The following INTS7 variants were observed in gnomAD, a reference collection of about 807,000 sequenced individuals.
INTS7 encodes integrator complex subunit 7.
INTS7 carries 46 observed loss-of-function variants against 109.2 expected under a neutral mutation model. The ratio of observed to expected loss-of-function variants is 0.42; its 90% confidence interval spans 0.33 to 0.54. The LOEUF (loss-of-function observed/expected upper bound fraction) is 0.54, where lower values mean the gene tolerates loss of function less well. INTS7 is among the 20% of genes least tolerant of loss of function. The pLI is 0.07. For missense variants in INTS7, 929 were observed against 1,132.4 expected, an observed-to-expected ratio of 0.82 and a Z score of 2.58; for synonymous variants, 412 against 402.9, an observed-to-expected ratio of 1.02 and a Z score of -0.27.
intron 13 of INTS7, among the ~76,000 whole-genome samples, chr1:211,971,374 C>A (rs551312131): frequency 6.6e-6 from 1 of 152,262 alleles, no homozygotes; most frequent in Non-Finnish European, 1.5e-5. Flanking sequence ...CAGCAAGAAA[C>A]TGGAGAAATC....
chr1:212,011,346 CTTCAT>C, intron 5 of INTS7, 24 bp downstream of exon 5: 1 of 1,284,618 alleles, frequency 7.8e-7, no homozygotes, highest in Non-Finnish European at 1.1e-6. Context: ...AATTAAGTCA[CTTCAT>C]AATACTAAAT....
intron 3 of INTS7, among the ~76,000 whole-genome samples, 172 bp downstream of exon 3, chr1:212,019,950 C>G (rs1666618108): frequency 6.6e-6 from 1 of 152,020 alleles, no homozygotes; most frequent in African/African-American, 2.4e-5. Context: ...CAGATGTTAA[C>G]TAAAAAGCAT....
At chr1:212,034,095 G>A (rs1667302779) in intron 1 of INTS7, among the ~76,000 whole-genome samples, 1 of 151,636 alleles carries the variant, frequency 6.6e-6, no homozygotes, top group Non-Finnish European at 1.5e-5. Flanking sequence ...AAAAAAAAGA[G>A]AAAAACACAT....
At position 211,995,692 on chromosome 1, in the gene INTS7, A is replaced by C. The variant is rs142663201; in HGVS notation, c.880-7689T>G. Among the ~76,000 whole-genome samples, 821 of 152,338 alleles carry C rather than the reference A, an allele frequency of 5.4e-3. 4 individuals carry two copies. Among genetic ancestry groups the C allele is most frequent in the African/African-American group, 0.019 (778 of 41,574 alleles). ...GTCTCCCCGAAAATTCCTATGCTGA[A>C]ATCCTAACCGCCAAGTTGATGGAAT... is the stretch of plus-strand genomic sequence containing the variant. On this transcript the variant is annotated intron_variant, in intron 7 of 19. Transcript: ENST00000366994.
chr1:212,013,366 G>A (rs984139454), intron 4 of INTS7, among the ~76,000 whole-genome samples: 1 of 152,094 alleles, frequency 6.6e-6, no homozygotes. Flanking sequence ...AGGATATAAA[G>A]AAAGTATGTT....
intron 7 of INTS7, among the ~76,000 whole-genome samples, chr1:211,997,261 T>C (rs1228212367): frequency 6.6e-6 from 1 of 151,576 alleles, no homozygotes; most frequent in Admixed American, 6.6e-5. Flanking sequence ...AAGAGAGAGA[T>C]AGGCCAGGTG....
intron 3 of INTS7, among the ~76,000 whole-genome samples, chr1:212,019,421 A>G (rs79068116): frequency 0.037 from 5,663 of 152,214 alleles, 163 homozygotes; most frequent in African/African-American, 0.084. Context: ...GATTCCTGAT[A>G]TGGAAAAAAC....
At chr1:211,950,294 G>A (rs1263781000) in intron 17 of INTS7, among the ~76,000 whole-genome samples, 1 of 152,142 alleles carries the variant, frequency 6.6e-6, no homozygotes, top group African/African-American at 2.4e-5. Flanking sequence ...TATTTGAGAT[G>A]AAGTTTCACT....
At chr1:211,949,535 T>C (rs545025057) in intron 17 of INTS7, among the ~76,000 whole-genome samples, 1 of 152,332 alleles carries the variant, frequency 6.6e-6, no homozygotes, top group African/African-American at 2.4e-5. Context: ...CTCTCATATA[T>C]ATCTATTTTT....
chr1:211,997,256 A>G (rs1665440014), intron 7 of INTS7, among the ~76,000 whole-genome samples: 1 of 151,990 alleles, frequency 6.6e-6, no homozygotes, highest in South Asian at 2.1e-4. Flanking sequence ...AAAAAAAGAG[A>G]GAGATAGGCC....
At chr1:212,018,700 T>G (rs1331135936) in intron 3 of INTS7, among the ~76,000 whole-genome samples, 1 of 152,146 alleles carries the variant, frequency 6.6e-6, no homozygotes, top group Non-Finnish European at 1.5e-5. Context: ...GTTAACAAAA[T>G]GGATACTATT....
chr1:212,023,687 T>C (rs540227582), intron 1 of INTS7, among the ~76,000 whole-genome samples: 2 of 152,358 alleles, frequency 1.3e-5, no homozygotes, highest in African/African-American at 4.8e-5. Context: ...TCTCCCATTC[T>C]GTAGGCTGTT....
At chr1:212,016,443 G>C (rs886614810) in intron 4 of INTS7, among the ~76,000 whole-genome samples, 2 of 152,206 alleles carry the variant, frequency 1.3e-5, no homozygotes, top group African/African-American at 4.8e-5. Flanking sequence ...TGTAGGACAT[G>C]ACATTCTGAA....
chr1:211,944,445 G>A (rs957083554), intron 19 of INTS7, among the ~76,000 whole-genome samples: 3 of 152,164 alleles, frequency 2.0e-5, no homozygotes, highest in African/African-American at 4.8e-5. Context: ...GCTCCCATAC[G>A]TACTGACTGA....
At position 211,940,728 on chromosome 1, in the gene INTS7, G is replaced by A. The variant is rs1464410731; in HGVS notation, c.*1096C>T. 6.6e-6 allele frequency: 1 copy of A among 152,186 alleles called. No homozygotes were observed. Among genetic ancestry groups the A allele is most frequent in the African/African-American group, 2.4e-5 (1 of 41,434 alleles). The allele number at this position is 152,186 out of a possible 1,614,324, so 9.4% of individuals were successfully genotyped here. A position where few individuals can be genotyped will look rare whatever the true frequency, so the allele number is the denominator to read the frequency against. On this transcript the variant is annotated 3_prime_UTR_variant, in exon 20 of 20. Transcript: ENST00000366994. ...ACTGAGCCTGTGTAATAAAGAGACT[G>A]CTCTCTCTAAACAATCAGTCTAGCA...
At position 211,968,526 on chromosome 1, in the gene INTS7, C is replaced by T; in HGVS notation, c.1997G>A (p.Arg666His). The change falls in exon 14 of 20, where the codon CGC becomes CAC. Residue 666 changes from arginine to histidine, a missense_variant. Coordinates refer to ENST00000366994, the MANE Select transcript of INTS7 (RefSeq NM_015434.4). ...TLGNDLQRCG[R>H]ISNQMKQSME... Reference sequence around the variant, plus strand: ...GTTAAGACATGCCTGATTGGAGATGCGACCACACCTCTGGAGGTCATTTCC... The same window carrying T: ...GTTAAGACATGCCTGATTGGAGATGTGACCACACCTCTGGAGGTCATTTCC... 1.9e-6 allele frequency: 3 copies of T among 1,611,388 alleles called. No individual in the cohort carries two copies. The highest frequency in any genetic ancestry group is 2.5e-6 in the Non-Finnish European group (3 of 1,178,608).
intron 4 of INTS7, among the ~76,000 whole-genome samples, chr1:212,015,110 G>A (rs1241675611): frequency 6.6e-6 from 1 of 151,844 alleles, no homozygotes; most frequent in Non-Finnish European, 1.5e-5. Context: ...CGCCCGGGCA[G>A]CCGCCCCGTC....
chr1:212,034,755 G>A (rs1461240862), intron 1 of INTS7, among the ~76,000 whole-genome samples: 1 of 152,168 alleles, frequency 6.6e-6, no homozygotes, highest in African/African-American at 2.4e-5. Flanking sequence ...AAAATCAGCG[G>A]CATTGAAACT....
intron 7 of INTS7, among the ~76,000 whole-genome samples, chr1:211,991,929 A>G (rs1665165196): frequency 6.6e-6 from 1 of 152,272 alleles, no homozygotes; most frequent in African/African-American, 2.4e-5. Context: ...TGCCAAATGT[A>G]AAGTGCCTAA....
Sources: gnomAD v4.1 joint callset for allele counts (sites outside exome capture counted in the v4.1 genomes callset) on GRCh38, gnomAD v4.1.1 for gene constraint, MANE v1.5 for transcripts, NCBI Gene and HGNC (gene_info 2026-07-23, HGNC 2026-07-21) for gene names.